Variants in COX14 observed in about 807,000 individuals in gnomAD.
The protein encoded by COX14 is cytochrome c oxidase assembly protein COX14.
In COX14, 3 loss-of-function variants were observed where a neutral mutation model predicts 5.8. The observed-to-expected ratio is 0.51, with a 90% CI of 0.23 to 1.33. The LOEUF (loss-of-function observed/expected upper bound fraction) is 1.33, where lower values mean the gene tolerates loss of function less well. Among genes scored for constraint, COX14 ranks in the 40% most tolerant of loss-of-function variants. COX14 has a pLI of 0.18. For synonymous variants in COX14, 25 were observed against 26.1 expected (o/e 0.96, Z 0.13); for missense variants, 72 against 72.1 (o/e 1.00, Z 0.01).
intron 1 of COX14, among the ~76,000 whole-genome samples, chr12:50,114,931 C>G (rs1319537148): frequency 3.3e-5 from 5 of 151,492 alleles, no homozygotes; most frequent in Non-Finnish European, 5.9e-5. Flanking sequence ...CCATGCCCAG[C>G]TAATTTTTGT....
chr12:50,120,121 G>C lies in COX14; in HGVS notation c.78G>C (p.Gly26=). 6.2e-7 allele frequency: 1 copy of C among 1,613,990 alleles called. No individual in the cohort carries two copies. Among genetic ancestry groups the C allele is most frequent in the Non-Finnish European group, 8.5e-7 (1 of 1,179,882 alleles). The part of the protein sequence containing the change: ...STSMMLLTVY[G]GYLCSVRVYH... ...CCATGATGCTTCTCACTGTGTATGG[G>C]GGGTACCTCTGCAGTGTCCGAGTCT... is the stretch of plus-strand genomic sequence containing the variant. The change falls in exon 2 of 2, where the codon GGG becomes GGC. Residue 26 remains glycine, a synonymous_variant. Transcript: ENST00000550487.
Position 50,120,346 on chromosome 12 carries a change from C to T in COX14, c.*129C>T, listed in dbSNP as rs985660714. The T allele has an allele frequency of 3.9e-6, 3 of 776,460 alleles. No homozygotes were observed. Among genetic ancestry groups the T allele is most frequent in the African/African-American group, 3.5e-5 (2 of 56,908 alleles). The allele number at this position is 776,460 out of a possible 1,614,324, so 48.1% of individuals were successfully genotyped here. ...TTCAAACCCTGTTGGAAGAAAGTGC[C>T]CATGGTTTCTCTGGTTCTGCCAGTT... On this transcript the variant is annotated 3_prime_UTR_variant, in exon 2 of 2. Coordinates refer to ENST00000550487, the MANE Select transcript of COX14 (RefSeq NM_032901.4).
chr12:50,114,770 A>ATT lies in COX14; in HGVS notation c.-9+2499_-9+2500dup, dbSNP rs71083507. On this transcript the variant is annotated intron_variant, in intron 1 of 1. Transcript: ENST00000550487. ...CATGAATGTTGTGTTGAGTATCTTA[A>ATT]TTTTTTTTTTTTTTTTTTTTTTTTT... Among the ~76,000 whole-genome samples, 81 of 70,638 alleles carry ATT rather than the reference A, an allele frequency of 1.1e-3. 3 individuals carry two copies. The highest frequency in any genetic ancestry group is 2.3e-3 in the African/African-American group (43 of 18,474). The allele number at this position is 70,638 out of a possible 152,430, so 46.3% of individuals were successfully genotyped here. A position where few individuals can be genotyped will look rare whatever the true frequency, so the allele number is the denominator to read the frequency against.
intron 1 of COX14, among the ~76,000 whole-genome samples, chr12:50,117,641 C>T (rs1234253567): frequency 6.7e-5 from 10 of 149,822 alleles, no homozygotes; most frequent in African/African-American, 1.7e-4. Context: ...TGCAATGATG[C>T]GATCTCGGCT....
At chr12:50,113,303 A>G (rs965164578) in intron 1 of COX14, among the ~76,000 whole-genome samples, 1 of 138,874 alleles carries the variant, frequency 7.2e-6, no homozygotes, top group Admixed American at 7.2e-5. Flanking sequence ...CGTTTACGCA[A>G]TTTTTTTTTT....
chr12:50,119,245 C>G (rs937279057), intron 1 of COX14, among the ~76,000 whole-genome samples: 1 of 152,188 alleles, frequency 6.6e-6, no homozygotes, highest in Non-Finnish European at 1.5e-5. Flanking sequence ...TGAATAAGAT[C>G]GTTTTTATGG....
chr12:50,112,652 A>G (rs1284531670), intron 1 of COX14, among the ~76,000 whole-genome samples: 1 of 152,148 alleles, frequency 6.6e-6, no homozygotes, highest in African/African-American at 2.4e-5. Context: ...CATATCGGCT[A>G]TCCAGCTCCA....
Position 50,120,309 on chromosome 12 carries a change from G to A in COX14, c.*92G>A. Reference sequence around the variant, plus strand: ...CCATTTCCAGGTCAACAGGACTAGAGCGTTGATGGTTTTCAAACCCTGTTG... The same window carrying A: ...CCATTTCCAGGTCAACAGGACTAGAACGTTGATGGTTTTCAAACCCTGTTG... On this transcript the variant is annotated 3_prime_UTR_variant, in exon 2 of 2. Coordinates refer to ENST00000550487, the MANE Select transcript of COX14 (RefSeq NM_032901.4). The A allele has an allele frequency of 9.0e-7, 1 of 1,112,780 alleles. No homozygotes were observed. Among genetic ancestry groups the A allele is most frequent in the Non-Finnish European group, 1.3e-6 (1 of 776,716 alleles). The allele number at this position is 1,112,780 out of a possible 1,614,324, so 68.9% of individuals were successfully genotyped here.
intron 1 of COX14, 170 bp downstream of exon 1, chr12:50,112,471 C>G (rs1200953846): frequency 2.0e-6 from 2 of 985,902 alleles, no homozygotes; most frequent in South Asian, 4.7e-5. Context: ...TGCTTCCTGC[C>G]CAAGCCCAAG....
At chr12:50,118,361 T>C (rs1195569231) in intron 1 of COX14, 8 of 928,390 alleles carry the variant, frequency 8.6e-6, no homozygotes, top group Non-Finnish European at 1.0e-5. Context: ...CTTGGCATTC[T>C]GAACACAGTC....
intron 1 of COX14, among the ~76,000 whole-genome samples, chr12:50,119,585 T>C (rs1951111916): frequency 6.6e-6 from 1 of 152,180 alleles, no homozygotes; most frequent in East Asian, 1.9e-4. Context: ...CGTCAGCTAC[T>C]TGGGAGGCTG....
intron 1 of COX14, chr12:50,118,520 C>T: frequency 1.4e-6 from 1 of 722,976 alleles, no homozygotes; most frequent in Non-Finnish European, 1.7e-6. Context: ...GTAATCCCAG[C>T]ACTTTGGGAG....
chr12:50,120,213 T>A lies in COX14; in HGVS notation c.170T>A (p.Met57Lys). The A allele has an allele frequency of 6.2e-7, 1 of 1,613,456 alleles. No individual in the cohort carries two copies. Residue 57 changes from methionine to lysine, a missense_variant, in exon 2 of 2, where the codon ATG becomes AAG. Coordinates refer to ENST00000550487, the MANE Select transcript of COX14 (RefSeq NM_032901.4). ...AAEEQKTSGI[M>K] ...GAAGAACAGAAGACCTCAGGAATCA[T>A]GTAGAACTGGGGGGCTTTTTCTCCT... is the stretch of plus-strand genomic sequence containing the variant.
chr12:50,120,157 C>A lies in COX14; in HGVS notation c.114C>A (p.Phe38Leu). The change falls in exon 2 of 2, where the codon TTC (phenylalanine) becomes TTA (leucine). Residue 38 changes from phenylalanine to leucine, a missense_variant. Transcript: ENST00000550487. ...YLCSVRVYHY[F>L]QWRRAQRQAA... ...GCAGTGTCCGAGTCTACCACTATTT[C>A]CAGTGGCGCAGGGCCCAGCGCCAGG... 6.2e-7 allele frequency: 1 copy of A among 1,614,170 alleles called. No homozygotes were observed. The highest frequency in any genetic ancestry group is 8.5e-7 in the Non-Finnish European group (1 of 1,180,020).
rs1430094966 is a variant in COX14 at position 50,115,091 on chromosome 12, A to T, written c.-9+2790A>T. 3.0e-5 allele frequency among the ~76,000 whole-genome samples: 4 copies of T among 134,290 alleles called. No homozygotes were observed. The Admixed American group carries it at 3.1e-4, about 10-fold the overall frequency. The allele number at this position is 134,290 out of a possible 152,430, so 88.1% of individuals were successfully genotyped here. ...GGTTTTTTTTTTTTTTTTTAAATAGAGATGGGGTCTCGCTGTGTTGCCTAG... is the reference window on the plus strand; with the variant it reads ...GGTTTTTTTTTTTTTTTTTAAATAGTGATGGGGTCTCGCTGTGTTGCCTAG... On this transcript the variant is annotated intron_variant, in intron 1 of 1. Coordinates refer to ENST00000550487, the MANE Select transcript of COX14 (RefSeq NM_032901.4).
At chr12:50,116,400 T>G (rs1013268619) in intron 1 of COX14, among the ~76,000 whole-genome samples, 50 of 152,158 alleles carry the variant, frequency 3.3e-4, no homozygotes, top group African/African-American at 1.2e-3. Flanking sequence ...GCCTGAAGAG[T>G]TTTTGCTAAT....
chr12:50,119,999 C>A lies in COX14; in HGVS notation c.-8-37C>A, dbSNP rs748012764. 5 of 1,545,098 alleles carry A rather than the reference C, an allele frequency of 3.2e-6. No individual in the cohort carries two copies. The South Asian group carries it at 5.6e-5, about 17-fold the overall frequency. ...AGGGAGATGGGCTGGGCAGATGAGGCCTTATCCTCAGGTCTAAATTCAATC... is the reference window on the plus strand; with the variant it reads ...AGGGAGATGGGCTGGGCAGATGAGGACTTATCCTCAGGTCTAAATTCAATC... On this transcript the variant is annotated intron_variant, in intron 1 of 1. Coordinates refer to ENST00000550487, the MANE Select transcript of COX14 (RefSeq NM_032901.4).
At chr12:50,117,767 A>G (rs964397729) in intron 1 of COX14, among the ~76,000 whole-genome samples, 3 of 126,796 alleles carry the variant, frequency 2.4e-5, no homozygotes, top group African/African-American at 6.2e-5. Context: ...TTTTTTTGAG[A>G]TGGAGTCTTG....
At chr12:50,112,859 G>A (rs562338186) in intron 1 of COX14, 3 of 151,716 alleles carry the variant, frequency 2.0e-5, no homozygotes, top group Non-Finnish European at 1.5e-5. Context: ...ATAAGCTCCT[G>A]TATGACAGAA....
Sources: gnomAD v4.1 joint callset for allele counts (sites outside exome capture counted in the v4.1 genomes callset) on GRCh38, gnomAD v4.1.1 for gene constraint, MANE v1.5 for transcripts, NCBI Gene and HGNC (gene_info 2026-07-23, HGNC 2026-07-21) for gene names.